Variants in AK9 observed in about 807,000 individuals in gnomAD.
The protein encoded by AK9 is adenylate kinase domain containing 1.
A neutral mutation model predicts 239.6 loss-of-function variants in AK9; 191 were observed. That is an observed-to-expected ratio of 0.80 (90% CI 0.71 to 0.90). AK9 has a LOEUF of 0.90. Ranked by LOEUF, AK9 falls within the 40% of genes least tolerant of loss-of-function variation. AK9 has a pLI of 0.00. For synonymous variants in AK9, 689 were observed against 721.0 expected (o/e 0.96, Z 0.71); for missense variants, 1,995 against 2,214.7 (o/e 0.90, Z 1.99).
chr6:109,523,791 T>A (rs549277534), intron 29 of AK9, among the ~76,000 whole-genome samples: 1 of 152,294 alleles, frequency 6.6e-6, no homozygotes, highest in East Asian at 1.9e-4. Context: ...GTGAACCATG[T>A]ACATATGGGC....
chr6:109,561,423 C>T (rs944425055), intron 24 of AK9, among the ~76,000 whole-genome samples: 1 of 152,172 alleles, frequency 6.6e-6, no homozygotes, highest in African/African-American at 2.4e-5. Context: ...TCGGGCGATC[C>T]TCCCACCTGT....
At chr6:109,590,222 T>A (rs1790040962) in intron 17 of AK9, among the ~76,000 whole-genome samples, 1 of 152,116 alleles carries the variant, frequency 6.6e-6, no homozygotes, top group African/African-American at 2.4e-5. Context: ...GTTGAGAGAT[T>A]TTTAATTACT....
chr6:109,614,591 G>A (rs1342114649), intron 13 of AK9, 111 bp from the exon 14 acceptor site: 2 of 841,694 alleles, frequency 2.4e-6, no homozygotes, highest in South Asian at 1.5e-5. Context: ...TTTCAGTTCT[G>A]ACTTATAAGC....
rs1394563895 is a variant in AK9 at position 109,516,089 on chromosome 6, T to C, written c.3847-14A>G. The C allele has an allele frequency of 6.5e-7, 1 of 1,531,824 alleles. No individual in the cohort carries two copies. The highest frequency in any genetic ancestry group is 8.8e-7 in the Non-Finnish European group (1 of 1,130,548). 94.9% of individuals were successfully genotyped at this position (1,531,824 alleles called of 1,614,324 possible). A position where few individuals can be genotyped will look rare whatever the true frequency, so the allele number is the denominator to read the frequency against. ...CTCAAGTTCATCCTGATAAGAAAAG[T>C]CATAAAAACAAATATATTTAGTGAG... On this transcript the variant is annotated splice_polypyrimidine_tract_variant and intron_variant, in intron 30 of 40. Transcript: ENST00000424296.
At chr6:109,602,860 G>A (rs552789539) in intron 17 of AK9, among the ~76,000 whole-genome samples, 6 of 152,056 alleles carry the variant, frequency 3.9e-5, no homozygotes, top group Non-Finnish European at 7.4e-5. Context: ...CCAGTTGATC[G>A]AATTGGCTAC....
chr6:109,592,446 CTTTT>C (rs55998817), intron 17 of AK9, among the ~76,000 whole-genome samples: 2 of 126,756 alleles, frequency 1.6e-5, no homozygotes, highest in Non-Finnish European at 3.2e-5. Context: ...AATGGGATTT[CTTTT>C]TTTTTTTTTT....
chr6:109,571,983 T>C (rs934496815), intron 21 of AK9, among the ~76,000 whole-genome samples: 27 of 152,226 alleles, frequency 1.8e-4, no homozygotes, highest in African/African-American at 6.5e-4. Flanking sequence ...CTAGACTTAC[T>C]GAACCAGAGC....
At chr6:109,562,494 T>C (rs1402168766) in intron 24 of AK9, among the ~76,000 whole-genome samples, 1 of 152,226 alleles carries the variant, frequency 6.6e-6, no homozygotes, top group Non-Finnish European at 1.5e-5. Context: ...TTCTCCTCAT[T>C]GTGAGTCATA....
intron 8 of AK9, among the ~76,000 whole-genome samples, chr6:109,648,575 G>A (rs1583418321): frequency 6.6e-6 from 1 of 152,104 alleles, no homozygotes; most frequent in African/African-American, 2.4e-5. Flanking sequence ...CCAATAACAG[G>A]CTCTGAAATT....
intron 8 of AK9, among the ~76,000 whole-genome samples, chr6:109,646,758 G>A (rs915925364): frequency 5.9e-5 from 9 of 152,126 alleles, no homozygotes; most frequent in Non-Finnish European, 1.2e-4. Context: ...GATACTCCTT[G>A]AGAAGAGCAA....
chr6:109,662,427 T>G, intron 6 of AK9, 124 bp downstream of exon 6: 1 of 784,518 alleles, frequency 1.3e-6, no homozygotes, highest in Non-Finnish European at 1.7e-6. Context: ...ATGACTCAGT[T>G]CCTGTGATTG....
intron 32 of AK9, 135 bp downstream of exon 32, chr6:109,514,089 C>G (rs1779018347): frequency 2.4e-6 from 2 of 831,774 alleles, no homozygotes; most frequent in African/African-American, 3.5e-5. Context: ...CCTCCTGTCT[C>G]CTCACTCAGC....
chr6:109,595,542 A>T, intron 17 of AK9, among the ~76,000 whole-genome samples: 1 of 152,180 alleles, frequency 6.6e-6, no homozygotes, highest in South Asian at 2.1e-4. Flanking sequence ...CTATAAAGAC[A>T]TATGCACATG....
chr6:109,560,067 C>A (rs1458639790), intron 24 of AK9, among the ~76,000 whole-genome samples: 3 of 152,104 alleles, frequency 2.0e-5, no homozygotes, highest in African/African-American at 7.2e-5. Flanking sequence ...TCCATGATAA[C>A]TCCCTCATCT....
At chr6:109,681,733 C>G (rs568116237) in intron 1 of AK9, among the ~76,000 whole-genome samples, 1 of 151,952 alleles carries the variant, frequency 6.6e-6, no homozygotes, top group South Asian at 2.1e-4. Context: ...GAACAGAAAT[C>G]ATAACAGTCT....
chr6:109,529,102 G>C, intron 28 of AK9, 29 bp from the exon 29 acceptor site: 1 of 1,529,738 alleles, frequency 6.5e-7, no homozygotes, highest in Non-Finnish European at 8.7e-7. Flanking sequence ...TTAAAAAATT[G>C]TAATGGAGAA....
In AK9 at chr6:109,585,955, G is replaced by C. The variant is rs1297650539; in HGVS notation, c.1960C>G (p.Pro654Ala). ...WMALIKKGII[P>A]DLVIYLSDTE... ...TCTGATAAATAGATGACCAAATCAG[G>C]TATAATTCCTTTCTTGATTAAGGCC... The change falls in exon 18 of 41, where the codon CCT (proline) becomes GCT (alanine). Residue 654 changes from proline (P) to alanine (A), a missense_variant. Around this residue, in one of 5 missense-constraint regions of AK9, gnomAD observed 1,290 missense variants for 1,392.7 expected, o/e 0.93. Transcript: ENST00000424296. 1 of 1,550,600 alleles carries C rather than the reference G, an allele frequency of 6.4e-7. No homozygotes were observed. The highest frequency in any genetic ancestry group is 2.0e-5 in the Admixed American group (1 of 50,918).
chr6:109,687,143 T>C (rs1261618569), intron 1 of AK9, among the ~76,000 whole-genome samples: 1 of 152,098 alleles, frequency 6.6e-6, no homozygotes, highest in African/African-American at 2.4e-5. Context: ...AAAATGGTGA[T>C]TAGGGGAAAT....
intron 32 of AK9, among the ~76,000 whole-genome samples, chr6:109,511,166 C>G (rs1778705733): frequency 2.0e-5 from 3 of 149,216 alleles, no homozygotes; most frequent in Admixed American, 1.4e-4. Context: ...TTTATGTACT[C>G]TTACTATCTG....
Sources: gnomAD v4.1 joint callset for allele counts (sites outside exome capture counted in the v4.1 genomes callset) on GRCh38, gnomAD v4.1.1 for gene constraint, gnomAD v4.1.1 regional missense constraint, MANE v1.5 for transcripts, NCBI Gene and HGNC (gene_info 2026-07-23, HGNC 2026-07-21) for gene names.